The following ARID1B variants were observed in gnomAD, a reference collection of about 807,000 sequenced individuals.
ARID1B encodes AT-rich interactive domain-containing protein 1B.
ARID1B carries 30 observed loss-of-function variants against 212.3 expected under a neutral mutation model. The observed-to-expected ratio is 0.14, with a 90% CI of 0.11 to 0.19. The LOEUF (loss-of-function observed/expected upper bound fraction) is 0.19. Among genes scored for constraint, ARID1B ranks in the 10% least tolerant of loss-of-function variants. The pLI, the probability that ARID1B is intolerant of heterozygous loss-of-function variation, is 1.00. For synonymous variants in ARID1B, 1,402 were observed against 1,301.7 expected (o/e 1.08, Z -1.66); for missense variants, 2,891 against 3,204.0 (o/e 0.90, Z 2.36).
chr6:156,879,989 A>T (rs1786911517), intron 2 of ARID1B, among the ~76,000 whole-genome samples: 1 of 152,238 alleles, frequency 6.6e-6, no homozygotes, highest in Non-Finnish European at 1.5e-5. Context: ...CCCTTCCAGC[A>T]TTAGAAGATT....
At chr6:157,122,914 T>C (rs181352951) in intron 6 of ARID1B, among the ~76,000 whole-genome samples, 305 of 151,946 alleles carry the variant, frequency 2.0e-3, no homozygotes, top group Admixed American at 6.0e-3. Flanking sequence ...ACTCCTGACC[T>C]CAGGTGATCC....
intron 2 of ARID1B, among the ~76,000 whole-genome samples, chr6:156,869,862 T>C (rs556582578): frequency 6.6e-6 from 1 of 152,332 alleles, no homozygotes; most frequent in East Asian, 1.9e-4. Context: ...ACTTCAGACA[T>C]CTGTTGAAAA....
At chr6:156,965,623 T>C (rs1253717927) in intron 4 of ARID1B, among the ~76,000 whole-genome samples, 3 of 152,232 alleles carry the variant, frequency 2.0e-5, no homozygotes, top group Non-Finnish European at 4.4e-5. Flanking sequence ...AAATTTGTTA[T>C]AATACAAATA....
intron 2 of ARID1B, among the ~76,000 whole-genome samples, chr6:156,852,268 C>T (rs765194473): frequency 7.2e-5 from 11 of 151,926 alleles, no homozygotes; most frequent in African/African-American, 1.7e-4. Context: ...GGCAGCATAA[C>T]GAAACCTCCC....
intron 2 of ARID1B, among the ~76,000 whole-genome samples, chr6:156,889,995 C>T (rs954356582): frequency 2.6e-5 from 4 of 152,044 alleles, no homozygotes; most frequent in Non-Finnish European, 5.9e-5. Flanking sequence ...GAGCTTGTTA[C>T]CCTAAAGAGA....
intron 1 of ARID1B, among the ~76,000 whole-genome samples, chr6:156,782,083 A>G (rs1350949026): frequency 7.0e-6 from 1 of 143,750 alleles, no homozygotes; most frequent in Non-Finnish European, 1.5e-5. Flanking sequence ...AACATGTGGA[A>G]TGTGTCTTTT....
At chr6:156,922,822 T>A (rs566989181) in intron 3 of ARID1B, among the ~76,000 whole-genome samples, 1 of 152,308 alleles carries the variant, frequency 6.6e-6, no homozygotes, top group East Asian at 1.9e-4. Context: ...TTCAAAGACC[T>A]TCTACTCCAG....
chr6:157,019,550 G>A (rs1180673354), intron 4 of ARID1B, among the ~76,000 whole-genome samples: 1 of 152,180 alleles, frequency 6.6e-6, no homozygotes, highest in Non-Finnish European at 1.5e-5. Context: ...TCTAGATTTG[G>A]AGGAAAAAGC....
At chr6:156,868,073 T>C (rs888647887) in intron 2 of ARID1B, among the ~76,000 whole-genome samples, 2 of 152,220 alleles carry the variant, frequency 1.3e-5, no homozygotes, top group Non-Finnish European at 2.9e-5. Flanking sequence ...AGGAAAGCCT[T>C]GTAGCAGGCT....
chr6:157,186,633 G>C (rs1360516464), intron 13 of ARID1B: 2 of 427,224 alleles, frequency 4.7e-6, no homozygotes, highest in African/African-American at 2.1e-5. Context: ...GGCCATGTTA[G>C]AGTCTCATTT....
intron 4 of ARID1B, among the ~76,000 whole-genome samples, chr6:156,973,793 A>G (rs1583058034): frequency 2.0e-5 from 3 of 152,224 alleles, no homozygotes; most frequent in Admixed American, 6.5e-5. Context: ...ATTTATTTCA[A>G]TATTTACCGA....
At chr6:157,142,785 C>T (rs1358455445) in intron 7 of ARID1B, among the ~76,000 whole-genome samples, 1 of 152,132 alleles carries the variant, frequency 6.6e-6, no homozygotes, top group African/African-American at 2.4e-5. Context: ...TTATGCATTT[C>T]TTTTTTCCAC....
rs1794690100 is a variant in ARID1B, at chr6:156,965,624, A to C, written c.2247+30048A>C. On this transcript the variant is annotated intron_variant, in intron 4 of 19. Coordinates refer to ENST00000636930, the MANE Select transcript of ARID1B (RefSeq NM_001374828.1). The stretch of plus-strand genomic sequence containing the variant: ...TTCAATTTAGGGAAAAATTTGTTAT[A>C]ATACAAATATGTACAACCATTAGTA... Among the ~76,000 whole-genome samples the C allele has an allele frequency of 2.0e-5, 3 of 152,228 alleles. No individual in the cohort carries two copies. In the South Asian group the frequency reaches 6.2e-4, roughly 31 times the overall value.
At chr6:157,051,237 G>A (rs1350023763) in intron 4 of ARID1B, among the ~76,000 whole-genome samples, 1 of 152,204 alleles carries the variant, frequency 6.6e-6, no homozygotes, top group East Asian at 1.9e-4. Flanking sequence ...TAATTGCTGA[G>A]AAGAGAGGTT....
chr6:157,191,872 G>T (rs1171023462), intron 15 of ARID1B, among the ~76,000 whole-genome samples: 1 of 152,136 alleles, frequency 6.6e-6, no homozygotes, highest in Non-Finnish European at 1.5e-5. Flanking sequence ...TGATAATATT[G>T]TCTGAGTGGA....
chr6:156,823,934 A>T (rs1782567685), intron 1 of ARID1B, among the ~76,000 whole-genome samples: 1 of 152,180 alleles, frequency 6.6e-6, no homozygotes, highest in Non-Finnish European at 1.5e-5. Flanking sequence ...TACTAAAAGT[A>T]TATAAGCAAG....
intron 4 of ARID1B, among the ~76,000 whole-genome samples, chr6:157,046,031 G>A (rs1261612025): frequency 1.3e-5 from 2 of 152,130 alleles, no homozygotes; most frequent in Non-Finnish European, 2.9e-5. Flanking sequence ...CCCAGCCTCT[G>A]CCTCTGCCAT....
At position 157,208,575 on chromosome 6, in the gene ARID1B, T is replaced by C. The variant is rs1794624575; in HGVS notation, c.*684T>C. The C allele has an allele frequency of 4.3e-6, 1 of 233,036 alleles. No homozygotes were observed. Among genetic ancestry groups the C allele is most frequent in the African/African-American group, 2.2e-5 (1 of 45,318 alleles). 14.4% of individuals were successfully genotyped at this position (233,036 alleles called of 1,614,324 possible). On this transcript the variant is annotated 3_prime_UTR_variant, in exon 20 of 20. Coordinates refer to ENST00000636930, the MANE Select transcript of ARID1B (RefSeq NM_001374828.1). ...AAACTGCTCCTCACCACTCCCGTCA[T>C]GCCTGCTGTCGGCGTTTGACCTTCC...
intron 3 of ARID1B, among the ~76,000 whole-genome samples, chr6:156,907,905 CAAA>C (rs1210631219): frequency 0.17 from 12,890 of 74,236 alleles, 691 homozygotes; most frequent in African/African-American, 0.28. Flanking sequence ...AAGACTGTCT[CAAA>C]AAAAAAAAAA....
Sources: gnomAD v4.1 joint callset for allele counts (sites outside exome capture counted in the v4.1 genomes callset) on GRCh38, gnomAD v4.1.1 for gene constraint, MANE v1.5 for transcripts, NCBI Gene and HGNC (gene_info 2026-07-23, HGNC 2026-07-21) for gene names.